The following FGF14 variants were observed in gnomAD, a reference collection of about 807,000 sequenced individuals.
FGF14 encodes fibroblast growth factor homologous factor 4.
FGF14 carries 5 observed loss-of-function variants against 25.5 expected under a neutral mutation model. That is an observed-to-expected ratio of 0.20 (90% CI 0.10 to 0.41). The LOEUF (loss-of-function observed/expected upper bound fraction) is 0.41, where lower values mean the gene tolerates loss of function less well. Among genes scored for constraint, FGF14 ranks in the 10% least tolerant of loss-of-function variants. The pLI, the probability that FGF14 is intolerant of heterozygous loss-of-function variation, is 1.00. For missense variants in FGF14, 222 were observed against 320.1 expected (o/e 0.69, Z 2.34); for synonymous variants, 138 against 118.3 (o/e 1.17, Z -1.08).
At chr13:102,336,405 T>A (rs1454873140) in intron 1 of FGF14, among the ~76,000 whole-genome samples, 1 of 152,130 alleles carries the variant, frequency 6.6e-6, no homozygotes, top group Non-Finnish European at 1.5e-5. Context: ...TTCAGTTCTA[T>A]TAAGTCTGAG....
At chr13:102,092,447 G>A (rs1198524337) in intron 1 of FGF14, among the ~76,000 whole-genome samples, 1 of 152,150 alleles carries the variant, frequency 6.6e-6, no homozygotes, top group African/African-American at 2.4e-5. Flanking sequence ...GGCAGAGGCA[G>A]AAGAGGCCAT....
intron 1 of FGF14, among the ~76,000 whole-genome samples, chr13:102,296,931 T>C (rs948632636): frequency 5.3e-5 from 8 of 152,112 alleles, no homozygotes; most frequent in African/African-American, 1.9e-4. Context: ...CACCCCAGCA[T>C]AAAAATCACA....
rs565892169 is a variant in FGF14 at position 102,301,389 on chromosome 13, A to G, written c.208+100082T>C. On this transcript the variant is annotated intron_variant, in intron 1 of 4. Coordinates refer to the FGF14 transcript ENST00000376131. Reference sequence around the variant, plus strand: ...AAGAAAAATAGGAAAACACAATTCAATTGACAGTTATGAATTTCCTACTTT... The same window carrying G: ...AAGAAAAATAGGAAAACACAATTCAGTTGACAGTTATGAATTTCCTACTTT... Among the ~76,000 whole-genome samples, 7 of 152,328 alleles carry G rather than the reference A, an allele frequency of 4.6e-5. No individual in the cohort carries two copies. In the South Asian group the frequency reaches 1.4e-3, roughly 32 times the overall value.
At position 102,400,167 on chromosome 13, in the gene FGF14, C is replaced by T. The variant is rs921464643; in HGVS notation, c.208+1304G>A. Among the ~76,000 whole-genome samples, 2 of 152,126 alleles carry T rather than the reference C, an allele frequency of 1.3e-5. No homozygotes were observed. Among genetic ancestry groups the T allele is most frequent in the African/African-American group, 4.8e-5 (2 of 41,442 alleles). ...GCAAGGTTCGGAGGCTGGAGGGCAG[C>T]AGCCACTTGCTGCCCCAGTCGCTGG... On this transcript the variant is annotated intron_variant, in intron 1 of 4. Transcript: ENST00000376131. The surrounding 1 kb of genome is among the most constrained non-coding windows in gnomAD (Gnocchi z 4.3).
chr13:101,867,617 AG>A (rs1245564931), intron 3 of FGF14, among the ~76,000 whole-genome samples: 1 of 152,140 alleles, frequency 6.6e-6, no homozygotes, highest in Admixed American at 6.6e-5. Flanking sequence ...TTTTTTCTAA[AG>A]GGAGCATAGG....
chr13:101,996,259 T>C (rs1035886657), intron 1 of FGF14, among the ~76,000 whole-genome samples: 4 of 152,164 alleles, frequency 2.6e-5, no homozygotes, highest in African/African-American at 7.2e-5. Context: ...AGTGGGAAAG[T>C]AGTTTGAGGC....
intron 1 of FGF14, among the ~76,000 whole-genome samples, chr13:102,352,225 C>T (rs1259322301): frequency 6.8e-6 from 1 of 147,926 alleles, no homozygotes; most frequent in African/African-American, 2.5e-5. Flanking sequence ...CAAACAACCA[C>T]AATATCTGTA....
At position 102,224,474 on chromosome 13, in the gene FGF14, C is replaced by T. The variant is rs149578118; in HGVS notation, c.208+176997G>A. On this transcript the variant is annotated intron_variant, in intron 1 of 4. Transcript: ENST00000376131. ...ACCATCATGTTATAGATTCGAATGT[C>T]GCTATGCTGAATTAATAGATCCCAT... is the stretch of plus-strand genomic sequence containing the variant. Among the ~76,000 whole-genome samples the T allele has an allele frequency of 3.8e-4, 58 of 152,162 alleles. No homozygotes were observed. In the East Asian group the frequency reaches 7.0e-3, roughly 18 times the overall value.
chr13:101,989,426 T>C (rs1178313723), intron 1 of FGF14, among the ~76,000 whole-genome samples: 1 of 152,106 alleles, frequency 6.6e-6, no homozygotes, highest in East Asian at 1.9e-4. Context: ...AAGAATAATG[T>C]ACATTTTGTT....
At chr13:102,075,809 C>G (rs1423745075) in intron 1 of FGF14, among the ~76,000 whole-genome samples, 2 of 152,114 alleles carry the variant, frequency 1.3e-5, no homozygotes, top group African/African-American at 2.4e-5. Flanking sequence ...AAGTGGAACA[C>G]AGTGATATTG....
At chr13:102,010,675 C>G (rs971321771) in intron 1 of FGF14, among the ~76,000 whole-genome samples, 1 of 152,106 alleles carries the variant, frequency 6.6e-6, no homozygotes, top group Admixed American at 6.6e-5. Flanking sequence ...GGCTACAATA[C>G]TGGGATATGT....
intron 1 of FGF14, among the ~76,000 whole-genome samples, chr13:102,330,457 T>G (rs901300919): frequency 7.9e-5 from 12 of 152,156 alleles, no homozygotes. Context: ...CTTTTACCAA[T>G]TAATCATACT....
intron 1 of FGF14, among the ~76,000 whole-genome samples, chr13:102,056,973 T>A (rs1462802267): frequency 6.6e-6 from 1 of 151,708 alleles, no homozygotes; most frequent in Admixed American, 6.6e-5. Flanking sequence ...TGCTTTGACA[T>A]ATTTTTATGA....
intron 1 of FGF14, among the ~76,000 whole-genome samples, chr13:102,019,169 A>G (rs2040502088): frequency 6.6e-6 from 1 of 152,126 alleles, no homozygotes; most frequent in Non-Finnish European, 1.5e-5. Context: ...CTATCCTCAC[A>G]TCCTAACCAT....
rs145523221 is a variant in FGF14 at position 101,736,856 on chromosome 13, T to G, written c.409-10046A>C. Among the ~76,000 whole-genome samples, 664 of 151,558 alleles carry G rather than the reference T, an allele frequency of 4.4e-3. 4 individuals are homozygous for G. The highest frequency in any genetic ancestry group is 0.015 in the African/African-American group (636 of 41,488). ...CAACCTGAGTCTACAGCCTTCGCTC[T>G]AAATCACTAATTATACCAGTTCTCA... On this transcript the variant is annotated intron_variant, in intron 3 of 4. Coordinates refer to ENST00000376143, the MANE Select transcript of FGF14 (RefSeq NM_004115.4).
intron 1 of FGF14, among the ~76,000 whole-genome samples, chr13:102,255,057 A>G (rs3918329): frequency 6.6e-6 from 1 of 152,366 alleles, no homozygotes; most frequent in Admixed American, 6.5e-5. Context: ...CATTGTTCAC[A>G]GTGCTGTTTC....
At chr13:101,832,960 G>C (rs1011813347) in intron 3 of FGF14, among the ~76,000 whole-genome samples, 7 of 152,044 alleles carry the variant, frequency 4.6e-5, no homozygotes, top group African/African-American at 1.7e-4. Flanking sequence ...TCAATTGTCT[G>C]TAAATGAATT....
intron 1 of FGF14, among the ~76,000 whole-genome samples, chr13:102,099,349 C>T (rs577085476): frequency 6.6e-6 from 1 of 152,218 alleles, no homozygotes; most frequent in Non-Finnish European, 1.5e-5. Flanking sequence ...CGTGCTCTTG[C>T]ACCGCTAAGC....
intron 1 of FGF14, among the ~76,000 whole-genome samples, chr13:102,135,721 C>T (rs2140432538): frequency 6.6e-6 from 1 of 152,230 alleles, no homozygotes; most frequent in African/African-American, 2.4e-5. Flanking sequence ...AGTGGCACCA[C>T]CTCAGCTTAC....
Sources: allele counts gnomAD v4.1 joint callset (sites outside exome capture counted in the v4.1 genomes callset), GRCh38; gene constraint gnomAD v4.1.1; non-coding constraint Gnocchi (gnomAD v3.1); transcripts MANE v1.5; gene names NCBI Gene and HGNC (gene_info 2026-07-23, HGNC 2026-07-21).